Variants in SIL1 observed in about 807,000 individuals in gnomAD.
SIL1 encodes nucleotide exchange factor SIL1.
SIL1 carries 40 observed loss-of-function variants against 49.1 expected under a neutral mutation model. The ratio of observed to expected loss-of-function variants is 0.81; its 90% confidence interval spans 0.63 to 1.06. SIL1 has a LOEUF of 1.06. Ranked by LOEUF, SIL1 falls within the 50% of genes least tolerant of loss-of-function variation. The pLI is 0.00. For missense variants in SIL1, 500 were observed against 572.6 expected (o/e 0.87, Z 1.29); for synonymous variants, 253 against 250.8 (o/e 1.01, Z -0.08).
At chr5:139,113,315 A>T (rs1561867264) in intron 3 of SIL1, among the ~76,000 whole-genome samples, 4 of 128,066 alleles carry the variant, frequency 3.1e-5, no homozygotes, top group Admixed American at 7.6e-5. Flanking sequence ...TAAAAAATAA[A>T]TAAATAAATA....
intron 7 of SIL1, among the ~76,000 whole-genome samples, chr5:138,984,692 G>A (rs1222451546): frequency 2.0e-5 from 3 of 152,124 alleles, no homozygotes; most frequent in Non-Finnish European, 4.4e-5. Context: ...GAGCTCTAGA[G>A]AATCAGGCAT....
intron 1 of SIL1, among the ~76,000 whole-genome samples, chr5:139,148,853 G>A (rs370034632): frequency 6.6e-6 from 1 of 152,098 alleles, no homozygotes; most frequent in Admixed American, 6.5e-5. Flanking sequence ...TGCCTAAAGG[G>A]CTTGCCCTCC....
chr5:139,126,639 C>T (rs375826179), intron 2 of SIL1, among the ~76,000 whole-genome samples: 1 of 152,300 alleles, frequency 6.6e-6, no homozygotes, highest in East Asian at 1.9e-4. Context: ...ACAGCACCAA[C>T]AGGATCTCAG....
At chr5:138,959,780 A>C (rs1766979032) in intron 7 of SIL1, among the ~76,000 whole-genome samples, 1 of 152,156 alleles carries the variant, frequency 6.6e-6, no homozygotes, top group Non-Finnish European at 1.5e-5. Context: ...CCCCCCACCC[A>C]CAGTCCAATG....
chr5:139,008,482 GTTAT>G lies in SIL1; in HGVS notation c.767+12685_767+12688del, dbSNP rs903306035. Among the ~76,000 whole-genome samples, 2 of 125,406 alleles carry G rather than the reference GTTAT, an allele frequency of 1.6e-5. 1 individual carries two copies. Among genetic ancestry groups the G allele is most frequent in the African/African-American group, 7.3e-5 (2 of 27,562 alleles). The allele number at this position is 125,406 out of a possible 152,430, so 82.3% of individuals were successfully genotyped here. A position where few individuals can be genotyped will look rare whatever the true frequency, so the allele number is the denominator to read the frequency against. On this transcript the variant is annotated intron_variant, in intron 7 of 9. Coordinates refer to ENST00000394817, the MANE Select transcript of SIL1 (RefSeq NM_022464.5). ...TTCCTTCAGTTCTGCTCTGAATTTAGTTATTTCTTGCCTTCTGCTAGCTTTTGAA... is the reference window on the plus strand; with the variant it reads ...TTCCTTCAGTTCTGCTCTGAATTTAGTTCTTGCCTTCTGCTAGCTTTTGAA...
At chr5:139,194,941 T>C (rs115952151) in intron 1 of SIL1, among the ~76,000 whole-genome samples, 5,196 of 152,084 alleles carry the variant, frequency 0.034, 298 homozygotes, top group African/African-American at 0.12. Flanking sequence ...TTTTTTTTTT[T>C]TTTTGAGACA....
At chr5:139,178,819 G>A (rs905192144) in intron 1 of SIL1, among the ~76,000 whole-genome samples, 1 of 152,042 alleles carries the variant, frequency 6.6e-6, no homozygotes, top group Admixed American at 6.5e-5. Context: ...AACCCTATCT[G>A]ACACTGTATC....
At chr5:139,152,864 G>A (rs916675358) in intron 1 of SIL1, among the ~76,000 whole-genome samples, 1 of 152,108 alleles carries the variant, frequency 6.6e-6, no homozygotes, top group Middle Eastern at 3.2e-3. Context: ...GCCCAGGCTA[G>A]AGTGAGTGCA....
At chr5:138,972,214 G>A (rs1408311399) in intron 7 of SIL1, among the ~76,000 whole-genome samples, 1 of 152,140 alleles carries the variant, frequency 6.6e-6, no homozygotes, top group African/African-American at 2.4e-5. Flanking sequence ...CAACAACCTG[G>A]GGCCCGCCGA....
chr5:139,092,693 T>TG (rs1050852177), intron 3 of SIL1, among the ~76,000 whole-genome samples: 2 of 152,274 alleles, frequency 1.3e-5, no homozygotes, highest in Non-Finnish European at 2.9e-5. Context: ...CAACAGGAGA[T>TG]GGAGAGTGCC....
chr5:139,081,616 C>T (rs1396189620), intron 3 of SIL1, among the ~76,000 whole-genome samples: 2 of 151,800 alleles, frequency 1.3e-5, no homozygotes, highest in African/African-American at 4.8e-5. Flanking sequence ...CGGTGGCTCA[C>T]ACCTGTAATC....
intron 3 of SIL1, among the ~76,000 whole-genome samples, chr5:139,096,106 A>T (rs1770456488): frequency 6.6e-6 from 1 of 152,194 alleles, no homozygotes; most frequent in Admixed American, 6.5e-5. Flanking sequence ...GCAGTATGGT[A>T]TGAAGAATGT....
At chr5:139,127,929 T>C (rs1388208832) in intron 1 of SIL1, 76 bp from the exon 2 acceptor site, 2 of 896,216 alleles carry the variant, frequency 2.2e-6, no homozygotes, top group Non-Finnish European at 3.6e-6. Context: ...GATTCCCATG[T>C]CGTCACTTGC....
intron 6 of SIL1, chr5:139,021,776 C>T (rs574239853): frequency 5.7e-4 from 111 of 193,978 alleles, no homozygotes; most frequent in African/African-American, 2.3e-3. Flanking sequence ...GGGGGGTTGC[C>T]GTAAGAGTGC....
intron 3 of SIL1, among the ~76,000 whole-genome samples, chr5:139,074,466 T>C (rs998930602): frequency 1.2e-4 from 18 of 152,248 alleles, no homozygotes; most frequent in African/African-American, 4.3e-4. Context: ...ATATTCACAA[T>C]GAAATACCTG....
intron 3 of SIL1, among the ~76,000 whole-genome samples, chr5:139,073,546 G>A (rs554356137): frequency 6.6e-5 from 10 of 152,256 alleles, no homozygotes; most frequent in African/African-American, 2.4e-4. Context: ...TTGAGGAGGT[G>A]GGGTAGAGGC....
intron 5 of SIL1, chr5:139,035,590 G>A: frequency 2.4e-6 from 1 of 419,080 alleles, no homozygotes; most frequent in Non-Finnish European, 4.6e-6. Context: ...TGATACCTGT[G>A]CCAGCACAGA....
At chr5:139,075,600 G>C (rs915065254) in intron 3 of SIL1, among the ~76,000 whole-genome samples, 1 of 152,196 alleles carries the variant, frequency 6.6e-6, no homozygotes, top group South Asian at 2.1e-4. Context: ...GCATGTCATA[G>C]GGAATAAAAC....
In SIL1 at chr5:139,056,463, G is replaced by A. The variant is rs529889602; in HGVS notation, c.245-5417C>T. Among the ~76,000 whole-genome samples the A allele has an allele frequency of 5.9e-3, 786 of 132,870 alleles. 4 individuals are homozygous for A. Among genetic ancestry groups the A allele is most frequent in the African/African-American group, 0.021 (747 of 35,086 alleles). 87.2% of individuals were successfully genotyped at this position (132,870 alleles called of 152,430 possible). Reference sequence around the variant, plus strand: ...CCACCCCGTCTGGGAAGTGAGGAGCGTCTCCGCCCGGCAGCCACCCCGTCC... The same window carrying A: ...CCACCCCGTCTGGGAAGTGAGGAGCATCTCCGCCCGGCAGCCACCCCGTCC... On this transcript the variant is annotated intron_variant, in intron 3 of 9. Coordinates refer to ENST00000394817, the MANE Select transcript of SIL1 (RefSeq NM_022464.5).
Sources: allele counts gnomAD v4.1 joint callset (sites outside exome capture counted in the v4.1 genomes callset), GRCh38; gene constraint gnomAD v4.1.1; transcripts MANE v1.5; gene names NCBI Gene and HGNC (gene_info 2026-07-23, HGNC 2026-07-21).